The following PLEKHM3 variants were observed in gnomAD, a reference collection of about 807,000 sequenced individuals.
The protein encoded by PLEKHM3 is pleckstrin homology domain-containing family M member 3.
A neutral mutation model predicts 81.8 loss-of-function variants in PLEKHM3; 45 were observed. That is an observed-to-expected ratio of 0.55 (90% CI 0.43 to 0.71). The LOEUF is 0.71. Ranked by LOEUF, PLEKHM3 falls within the 30% of genes least tolerant of loss-of-function variation. The probability of loss-of-function intolerance (pLI) is 0.00; values close to 1 mark genes in which losing one functional copy is unlikely to be tolerated. For synonymous variants in PLEKHM3, 352 were observed against 356.4 expected, an observed-to-expected ratio of 0.99 and a Z score of 0.14; for missense variants, 788 against 924.3, an observed-to-expected ratio of 0.85 and a Z score of 1.91.
intron 2 of PLEKHM3, among the ~76,000 whole-genome samples, chr2:208,000,736 T>C (rs957659840): frequency 1.3e-5 from 2 of 152,178 alleles, no homozygotes; most frequent in African/African-American, 4.8e-5. Context: ...GTATTCCGAT[T>C]CTAACATACA....
intron 3 of PLEKHM3, among the ~76,000 whole-genome samples, chr2:207,972,392 GCTT>G (rs1691155877): frequency 6.6e-6 from 1 of 152,048 alleles, no homozygotes; most frequent in African/African-American, 2.4e-5. Flanking sequence ...TTCGAGACCA[GCTT>G]GACCAACATG....
rs150433493 is a variant in PLEKHM3 at position 207,992,987 on chromosome 2, T to G, written c.610+8043A>C. On this transcript the variant is annotated intron_variant, in intron 2 of 7. Coordinates refer to ENST00000427836, the MANE Select transcript of PLEKHM3 (RefSeq NM_001080475.3). The stretch of plus-strand genomic sequence containing the variant: ...CCTGGATGCTTTATAAAGTTTACAC[T>G]TGATTTTGTAAGAAATGGGGAACTA... Among the ~76,000 whole-genome samples, 485 of 152,288 alleles carry G rather than the reference T, an allele frequency of 3.2e-3. 8 individuals carry two copies. Among genetic ancestry groups the G allele is most frequent in the Non-Finnish European group, 3.0e-3 (206 of 68,032 alleles).
chr2:207,850,188 C>T (rs2092405282), intron 7 of PLEKHM3, among the ~76,000 whole-genome samples: 1 of 151,978 alleles, frequency 6.6e-6, no homozygotes, highest in Non-Finnish European at 1.5e-5. Context: ...GACCTCATCA[C>T]CTCTTAAAGG....
At chr2:207,855,465 A>G (rs888743146) in intron 7 of PLEKHM3, among the ~76,000 whole-genome samples, 8 of 152,194 alleles carry the variant, frequency 5.3e-5, no homozygotes, top group African/African-American at 1.7e-4. Flanking sequence ...ATTCTAAATA[A>G]CTGTATCCAT....
At chr2:208,004,382 C>T (rs1692424490) in intron 1 of PLEKHM3, among the ~76,000 whole-genome samples, 1 of 151,132 alleles carries the variant, frequency 6.6e-6, no homozygotes, top group South Asian at 2.1e-4. Flanking sequence ...CACGCCACTG[C>T]ACTCCAGCCT....
At chr2:207,860,104 C>T (rs1173505484) in intron 7 of PLEKHM3, among the ~76,000 whole-genome samples, 1 of 148,690 alleles carries the variant, frequency 6.7e-6, no homozygotes, top group Non-Finnish European at 1.5e-5. Context: ...TATATAAGCT[C>T]TATAAGCTAA....
intron 5 of PLEKHM3, among the ~76,000 whole-genome samples, chr2:207,922,419 A>T (rs943301095): frequency 6.6e-6 from 1 of 152,214 alleles, no homozygotes; most frequent in African/African-American, 2.4e-5. Context: ...CACCACTAGC[A>T]TGTGTGGTCT....
intron 7 of PLEKHM3, among the ~76,000 whole-genome samples, chr2:207,836,318 TAAAA>T (rs34489704): frequency 4.6e-5 from 6 of 131,850 alleles, no homozygotes; most frequent in Non-Finnish European, 8.1e-5. Flanking sequence ...AGAGAGAGTC[TAAAA>T]AAAAAAAAAA....
chr2:207,978,810 A>C (rs1055833937), intron 2 of PLEKHM3, among the ~76,000 whole-genome samples: 1 of 152,188 alleles, frequency 6.6e-6, no homozygotes, highest in African/African-American at 2.4e-5. Context: ...AGTCAGTATC[A>C]GGTATCACTA....
Position 208,001,645 on chromosome 2 carries a change from A to T in PLEKHM3, c.-6T>A. On this transcript the variant is annotated 5_prime_UTR_variant, in exon 2 of 8. Coordinates refer to ENST00000427836, the MANE Select transcript of PLEKHM3 (RefSeq NM_001080475.3). ...TCCACTTCCAAAGCTTCCATGTCACAGGCTCCAGGAGGCCTTAGCCTCCTA... is the reference window on the plus strand; with the variant it reads ...TCCACTTCCAAAGCTTCCATGTCACTGGCTCCAGGAGGCCTTAGCCTCCTA... The T allele has an allele frequency of 6.2e-7, 1 of 1,608,996 alleles. No individual in the cohort carries two copies. The highest frequency in any genetic ancestry group is 8.5e-7 in the Non-Finnish European group (1 of 1,177,894).
intron 5 of PLEKHM3, among the ~76,000 whole-genome samples, chr2:207,921,958 T>G (rs1689196777): frequency 1.3e-5 from 2 of 152,168 alleles, no homozygotes; most frequent in South Asian, 4.1e-4. Flanking sequence ...GGAGCAGATA[T>G]CCATTTGACA....
chr2:207,824,191 G>A lies in PLEKHM3; in HGVS notation c.*4128C>T, dbSNP rs899009933. 1 of 152,336 alleles carries A rather than the reference G, an allele frequency of 6.6e-6. No individual in the cohort carries two copies. Among genetic ancestry groups the A allele is most frequent in the African/African-American group, 2.4e-5 (1 of 41,574 alleles). 9.4% of individuals were successfully genotyped at this position (152,336 alleles called of 1,614,324 possible). A position where few individuals can be genotyped will look rare whatever the true frequency, so the allele number is the denominator to read the frequency against. On this transcript the variant is annotated 3_prime_UTR_variant, in exon 8 of 8. Coordinates refer to ENST00000427836, the MANE Select transcript of PLEKHM3 (RefSeq NM_001080475.3). The stretch of plus-strand genomic sequence containing the variant: ...CCGCTACCGATTCAGGTCACGCAAA[G>A]GAGGGAGGCTCTTTCAAGGTCTTGC...
chr2:207,921,397 G>A lies in PLEKHM3; in HGVS notation c.1886+9529C>T, dbSNP rs577978891. ...TAAATATTTTTAATGGACATATAAT[G>A]ATATGTATTGATAGAGTACAATGTA... On this transcript the variant is annotated intron_variant, in intron 5 of 7. Coordinates refer to ENST00000427836, the MANE Select transcript of PLEKHM3 (RefSeq NM_001080475.3). 1.7e-4 allele frequency among the ~76,000 whole-genome samples: 26 copies of A among 152,148 alleles called. No homozygotes were observed. The South Asian group carries it at 3.9e-3, about 23-fold the overall frequency.
intron 6 of PLEKHM3, among the ~76,000 whole-genome samples, chr2:207,865,684 G>C (rs1341931960): frequency 6.8e-6 from 1 of 147,580 alleles, no homozygotes; most frequent in Admixed American, 6.8e-5. Context: ...GGAAGCTAAG[G>C]AAGGAGAATT....
intron 6 of PLEKHM3, among the ~76,000 whole-genome samples, chr2:207,906,241 A>T (rs1483064308): frequency 6.6e-6 from 1 of 152,206 alleles, no homozygotes; most frequent in Admixed American, 6.5e-5. Flanking sequence ...AAAATAGATA[A>T]ATGTATAACA....
intron 6 of PLEKHM3, among the ~76,000 whole-genome samples, chr2:207,898,332 C>T (rs1039956042): frequency 9.9e-5 from 15 of 152,188 alleles, no homozygotes; most frequent in Non-Finnish European, 1.5e-4. Flanking sequence ...GATATGGAAG[C>T]TCTCTCTGGT....
At chr2:207,918,218 G>A (rs1004138026) in intron 5 of PLEKHM3, among the ~76,000 whole-genome samples, 7 of 152,156 alleles carry the variant, frequency 4.6e-5, no homozygotes, top group African/African-American at 1.7e-4. Flanking sequence ...AAATGGTTAA[G>A]GATAATATAA....
chr2:207,953,616 T>TCTACTAAAAACAGCATGGTGAAACCC (rs1303556997), intron 3 of PLEKHM3, among the ~76,000 whole-genome samples: 9 of 151,960 alleles, frequency 5.9e-5, no homozygotes, highest in Admixed American at 3.3e-4. Flanking sequence ...TGGTGAAACC[T>TCTACTAAAAACAGCATGGTGAAACCC]CTACTAAAAA....
chr2:207,901,094 C>T, intron 6 of PLEKHM3: 1 of 600,804 alleles, frequency 1.7e-6, no homozygotes, highest in South Asian at 2.0e-5. Context: ...GAGTTGGCTC[C>T]TGGAATCCTT....
Sources: gnomAD v4.1 joint callset for allele counts (sites outside exome capture counted in the v4.1 genomes callset) on GRCh38, gnomAD v4.1.1 for gene constraint, MANE v1.5 for transcripts, NCBI Gene and HGNC (gene_info 2026-07-23, HGNC 2026-07-21) for gene names.